Variants in PDGFRA observed in about 807,000 individuals in gnomAD.
PDGFRA encodes platelet derived growth factor receptor alpha.
A neutral mutation model predicts 121.5 loss-of-function variants in PDGFRA; 25 were observed. That is an observed-to-expected ratio of 0.21 (90% CI 0.15 to 0.29). The LOEUF is 0.29. PDGFRA is among the 10% of genes least tolerant of loss of function. PDGFRA has a pLI of 1.00. For missense variants in PDGFRA, 1,008 were observed against 1,345.1 expected, an observed-to-expected ratio of 0.75 and a Z score of 3.92; for synonymous variants, 463 against 494.8, an observed-to-expected ratio of 0.94 and a Z score of 0.85.
At position 54,296,783 on chromosome 4, in the gene PDGFRA, C is replaced by A. The variant is rs1565664; in HGVS notation, c.*1511C>A. 232,700 of 233,132 alleles carry A rather than the reference C, an allele frequency of 1. 116,136 individuals carry two copies. The highest frequency in any genetic ancestry group is 1 in the Middle Eastern group (786 of 786). The allele number at this position is 233,132 out of a possible 1,614,324, so 14.4% of individuals were successfully genotyped here. A position where few individuals can be genotyped will look rare whatever the true frequency, so the allele number is the denominator to read the frequency against. ...AATTTGAACTTTGGAACAGGGTTGG[C>A]ATTCAACCACGCAGGAAGCCTACTA... On this transcript the variant is annotated 3_prime_UTR_variant, in exon 23 of 23. Transcript: ENST00000257290.
In PDGFRA at chr4:54,295,287, G is replaced by C. The variant is rs1724831510; in HGVS notation, c.*15G>C. 5.0e-6 allele frequency: 8 copies of C among 1,613,794 alleles called. No individual in the cohort carries two copies. The highest frequency in any genetic ancestry group is 5.1e-6 in the Non-Finnish European group (6 of 1,179,858). Reference sequence around the variant, plus strand: ...GCTTCCTGTAACTGGCGGATTCGAGGGGTTCCTTCCACTTCTGGGGCCACC... The same window carrying C: ...GCTTCCTGTAACTGGCGGATTCGAGCGGTTCCTTCCACTTCTGGGGCCACC... On this transcript the variant is annotated 3_prime_UTR_variant, in exon 23 of 23. Coordinates refer to ENST00000257290, the MANE Select transcript of PDGFRA (RefSeq NM_006206.6).
At chr4:54,268,711 A>G (rs1212308068) in intron 7 of PDGFRA, among the ~76,000 whole-genome samples, 1 of 152,226 alleles carries the variant, frequency 6.6e-6, no homozygotes, top group East Asian at 1.9e-4. Context: ...GGGATACTGA[A>G]TCTGGAAGGC....
chr4:54,281,688 GA>G, intron 16 of PDGFRA: 1 of 1,362,128 alleles, frequency 7.3e-7, no homozygotes, highest in Non-Finnish European at 9.7e-7. Flanking sequence ...GTGACTATCT[GA>G]AAAAAATCGT....
intron 18 of PDGFRA, 48 bp downstream of exon 18, chr4:54,286,011 A>G (rs766493922): frequency 1.3e-6 from 2 of 1,596,860 alleles, no homozygotes; most frequent in African/African-American, 2.7e-5. Flanking sequence ...CCTTCACTTT[A>G]ATCTCTAAAG....
rs552459202 is a variant in PDGFRA, at chr4:54,278,259, T to C, written c.2003-103T>C. On this transcript the variant is annotated intron_variant, in intron 14 of 22. Transcript: ENST00000257290. ...AAAAAAAAAAAAAAAAAAAACTTTT[T>C]TGGTATCTTATTTTTTTCTGTGCCA... The C allele has an allele frequency of 1.3e-4, 102 of 815,562 alleles. 2 individuals are homozygous for C. The African/African-American group carries it at 1.6e-3, about 12-fold the overall frequency. The allele number at this position is 815,562 out of a possible 1,614,324, so 50.5% of individuals were successfully genotyped here.
At chr4:54,268,125 C>T (rs1199094520) in intron 7 of PDGFRA, among the ~76,000 whole-genome samples, 1 of 152,214 alleles carries the variant, frequency 6.6e-6, no homozygotes, top group African/African-American at 2.4e-5. Flanking sequence ...AGGCAGTTAT[C>T]ACATCACCTT....
chr4:54,292,396 C>A (rs1398391477), intron 22 of PDGFRA, among the ~76,000 whole-genome samples: 1 of 152,062 alleles, frequency 6.6e-6, no homozygotes, highest in Non-Finnish European at 1.5e-5. Flanking sequence ...GAAGCCGTTA[C>A]CGTCAGCAAA....
In PDGFRA at chr4:54,285,361, T is replaced by C. The variant is rs1553905938; in HGVS notation, c.2324-10T>C. 9.1e-7 allele frequency: 1 copy of C among 1,095,082 alleles called. No individual in the cohort carries two copies. Among genetic ancestry groups the C allele is most frequent in the Non-Finnish European group, 1.4e-6 (1 of 705,404 alleles). The allele number at this position is 1,095,082 out of a possible 1,614,324, so 67.8% of individuals were successfully genotyped here. On this transcript the variant is annotated splice_polypyrimidine_tract_variant and intron_variant, in intron 16 of 22. Transcript: ENST00000257290. ...TGCCAGCACCAATACATTTAATTTC[T>C]TTTCTGCAGACTCAGAAGTCAAAAA...
At chr4:54,230,551 C>T (rs1268702958) in intron 1 of PDGFRA, 1 of 152,258 alleles carries the variant, frequency 6.6e-6, no homozygotes, top group African/African-American at 2.4e-5. Flanking sequence ...AGGAAGGTGC[C>T]GAACTTCTTG....
rs759374919 is a variant in PDGFRA, at chr4:54,272,429, C to T, written c.1273C>T (p.His425Tyr). 1.2e-6 allele frequency: 2 copies of T among 1,614,050 alleles called. No individual in the cohort carries two copies. The highest frequency in any genetic ancestry group is 4.5e-5 in the East Asian group (2 of 44,824). ...CATTCTGGACTTGGTCGATGATCACCATGGCTCAACTGGGGGACAGACGGT... is the reference window on the plus strand; with the variant it reads ...CATTCTGGACTTGGTCGATGATCACTATGGCTCAACTGGGGGACAGACGGT... ...SSILDLVDDH[H>Y]GSTGGQTVRC... The change falls in exon 9 of 23, where the codon CAT (histidine) becomes TAT (tyrosine). Residue 425 changes from histidine (H) to tyrosine (Y), a missense_variant. Transcript: ENST00000257290.
intron 1 of PDGFRA, among the ~76,000 whole-genome samples, chr4:54,240,783 T>A (rs1721256609): frequency 6.6e-6 from 1 of 152,202 alleles, no homozygotes. Flanking sequence ...ATTAGCAAAC[T>A]AAGTTTGGCC....
intron 1 of PDGFRA, among the ~76,000 whole-genome samples, chr4:54,235,457 T>C (rs1213417045): frequency 6.6e-6 from 1 of 152,278 alleles, no homozygotes; most frequent in African/African-American, 2.4e-5. Flanking sequence ...TATAGAGTCA[T>C]GTCCAATGGC....
chr4:54,295,639 C>G lies in PDGFRA; in HGVS notation c.*367C>G, dbSNP rs779360750. 7.8e-6 allele frequency: 3 copies of G among 382,820 alleles called. No individual in the cohort carries two copies. Among genetic ancestry groups the G allele is most frequent in the Non-Finnish European group, 1.5e-5 (3 of 206,070 alleles). 23.7% of individuals were successfully genotyped at this position (382,820 alleles called of 1,614,324 possible). ...CAGCATTGTAATTATGTAAATAACT[C>G]TAACCAAGGCTGTGTTTAGATTGTA... is the stretch of plus-strand genomic sequence containing the variant. On this transcript the variant is annotated 3_prime_UTR_variant, in exon 23 of 23. Coordinates refer to ENST00000257290, the MANE Select transcript of PDGFRA (RefSeq NM_006206.6).
At chr4:54,290,200 C>T in intron 21 of PDGFRA, 113 bp from the exon 22 acceptor site, 1 of 867,392 alleles carries the variant, frequency 1.2e-6, no homozygotes, top group Non-Finnish European at 1.9e-6. Flanking sequence ...CCACATCTTC[C>T]AGGTAGTTTG....
At chr4:54,282,020 A>G in intron 16 of PDGFRA, 3 of 977,358 alleles carry the variant, frequency 3.1e-6, no homozygotes, top group Non-Finnish European at 3.7e-6. Context: ...GTATTTCATC[A>G]TGGAAGATTT....
At chr4:54,279,780 C>T (rs541711439) in intron 15 of PDGFRA, among the ~76,000 whole-genome samples, 1 of 152,120 alleles carries the variant, frequency 6.6e-6, no homozygotes, top group Non-Finnish European at 1.5e-5. Context: ...TTAGCTCTCA[C>T]TTATGAGTGA....
chr4:54,295,235 T>A lies in PDGFRA; in HGVS notation c.3233T>A (p.Ile1078Lys). Residue 1078 changes from isoleucine (I) to lysine (K), a missense_variant, in exon 23 of 23, where the codon ATA becomes AAA. By Grantham distance (102) the Ile-to-Lys change is moderately radical. Around this residue, in one of 5 missense-constraint regions of PDGFRA, gnomAD observed 204 missense variants for 243.0 expected, o/e 0.84. Coordinates refer to ENST00000257290, the MANE Select transcript of PDGFRA (RefSeq NM_006206.6). ...EDIDMMDDIGIDSSDLVEDSF... is the reference protein window; with the variant it reads ...EDIDMMDDIGKDSSDLVEDSF... ...ATCGACATGATGGATGACATCGGCA[T>A]AGACTCTTCAGACCTGGTGGAAGAC... 6.2e-7 allele frequency: 1 copy of A among 1,614,052 alleles called. No individual in the cohort carries two copies. Among genetic ancestry groups the A allele is most frequent in the Non-Finnish European group, 8.5e-7 (1 of 1,179,938 alleles).
In PDGFRA at chr4:54,295,350, A is replaced by G. The variant is rs7680422; in HGVS notation, c.*78A>G. 1,416,870 of 1,417,674 alleles carry G rather than the reference A, an allele frequency of 1. 708,036 individuals are homozygous for G. Among genetic ancestry groups the G allele is most frequent in the East Asian group, 1 (43,871 of 43,872 alleles). The allele number at this position is 1,417,674 out of a possible 1,614,324, so 87.8% of individuals were successfully genotyped here. A position where few individuals can be genotyped will look rare whatever the true frequency, so the allele number is the denominator to read the frequency against. On this transcript the variant is annotated 3_prime_UTR_variant, in exon 23 of 23. Transcript: ENST00000257290. ...TCAGAAAACCACTTTATTGCAATGC[A>G]GAGGTTGAGAGGAGGACTTGGTTGA...
chr4:54,253,212 G>A (rs1433104378), intron 1 of PDGFRA, among the ~76,000 whole-genome samples: 2 of 152,202 alleles, frequency 1.3e-5, no homozygotes, highest in Admixed American at 1.3e-4. Flanking sequence ...AGAAGTTGAA[G>A]TAATCATTCT....
Sources: gnomAD v4.1 joint callset for allele counts (sites outside exome capture counted in the v4.1 genomes callset) on GRCh38, gnomAD v4.1.1 for gene constraint, gnomAD v4.1.1 regional missense constraint, MANE v1.5 for transcripts, NCBI Gene and HGNC (gene_info 2026-07-23, HGNC 2026-07-21) for gene names.